SAMM50: variants seen among roughly 807,000 people sequenced by gnomAD.
The protein encoded by SAMM50 is SAMM50 sorting and assembly machinery component.
SAMM50 carries 47 observed loss-of-function variants against 66.9 expected under a neutral mutation model. That is an observed-to-expected ratio of 0.70 (90% CI 0.56 to 0.90). SAMM50 has a LOEUF of 0.90. Ranked by LOEUF, SAMM50 falls within the 40% of genes least tolerant of loss-of-function variation. The pLI is 0.00. For missense variants in SAMM50, 535 were observed against 595.3 expected, an observed-to-expected ratio of 0.90 and a Z score of 1.05; for synonymous variants, 191 against 214.1, an observed-to-expected ratio of 0.89 and a Z score of 0.94.
chr22:43,982,093 T>C (rs1421201547), intron 11 of SAMM50, among the ~76,000 whole-genome samples: 1 of 152,166 alleles, frequency 6.6e-6, no homozygotes, highest in Non-Finnish European at 1.5e-5. Flanking sequence ...CATTGTCCTC[T>C]AGGGCAAAAA....
intron 14 of SAMM50, chr22:43,996,072 G>C (rs1412173028): frequency 1.8e-6 from 1 of 557,998 alleles, no homozygotes. Flanking sequence ...TGAAGGAGGT[G>C]AGGAGGGAGT....
At chr22:43,978,182 G>A (rs1315833074) in intron 10 of SAMM50, among the ~76,000 whole-genome samples, 4 of 152,016 alleles carry the variant, frequency 2.6e-5, no homozygotes, top group African/African-American at 4.8e-5. Context: ...AGTGGTTCAC[G>A]CCTGTAATCC....
At chr22:43,958,506 TC>T in intron 1 of SAMM50, among the ~76,000 whole-genome samples, 1 of 99,380 alleles carries the variant, frequency 1.0e-5, no homozygotes. Context: ...TGAGGCGGAG[TC>T]TTTCTCTGTC....
In SAMM50 at chr22:43,990,266, G is replaced by A. The variant is rs747555916; in HGVS notation, c.1224G>A (p.Gly408=). 1.2e-6 allele frequency: 2 copies of A among 1,614,176 alleles called. No homozygotes were observed. Among genetic ancestry groups the A allele is most frequent in the Admixed American group, 3.3e-5 (2 of 60,016 alleles). ...NAGNLCNLNY[G]EGPKAHIRKL... is the part of the protein sequence containing the mutation. ...GCTCACAGGTCTTTCTCTTTTCAGG[G>A]GAGGGCCCCAAAGCTCATATTCGTA... Residue 408 remains glycine (G), a splice_region_variant and synonymous_variant, in exon 14 of 15, where the codon GGG becomes GGA. Transcript: ENST00000350028.
chr22:43,963,125 C>T (rs1020369864), intron 1 of SAMM50, 161 bp from the exon 2 acceptor site: 62 of 479,844 alleles, frequency 1.3e-4, no homozygotes, highest in Non-Finnish European at 1.6e-4. Flanking sequence ...CAATAGCTGA[C>T]GGCACCTTTT....
chr22:43,983,671 CT>C lies in SAMM50; in HGVS notation c.1008-261del, dbSNP rs1477291625. Among the ~76,000 whole-genome samples the C allele has an allele frequency of 6.6e-6, 1 of 152,176 alleles. No individual in the cohort carries two copies. The highest frequency in any genetic ancestry group is 2.4e-5 in the African/African-American group (1 of 41,442). On this transcript the variant is annotated intron_variant, in intron 11 of 14. Transcript: ENST00000350028. This position sits in a 1 kb window ranked among gnomAD's most constrained non-coding sequence, Gnocchi z 4.2. ...TTGTGACAGACAGTTTGCCCTGCCC[CT>C]CTCTCCTAGTGTGTTTCTTGGCATC... is the stretch of plus-strand genomic sequence containing the variant.
intron 13 of SAMM50, 38 bp from the exon 14 acceptor site, chr22:43,990,227 G>A (rs752956918): frequency 2.4e-5 from 39 of 1,610,484 alleles, no homozygotes; most frequent in African/African-American, 1.1e-4. Flanking sequence ...TTGGAAGGAC[G>A]GGCACGCACT....
chr22:43,979,890 C>CT, intron 10 of SAMM50, among the ~76,000 whole-genome samples: 1 of 150,762 alleles, frequency 6.6e-6, no homozygotes, highest in African/African-American at 2.4e-5. Flanking sequence ...CTGTAACTCC[C>CT]TTTTTTTCAG....
intron 12 of SAMM50, chr22:43,986,695 G>A (rs1252029987): frequency 6.6e-6 from 1 of 152,066 alleles, no homozygotes; most frequent in Non-Finnish European, 1.5e-5. Flanking sequence ...GGGATTACAG[G>A]TGCCCGCCAT....
At chr22:43,981,302 A>C in intron 10 of SAMM50, 89 bp from the exon 11 acceptor site, 68 of 913,696 alleles carry the variant, frequency 7.4e-5, no homozygotes, top group Non-Finnish European at 1.1e-4. Context: ...CGCCACGGGC[A>C]TTCAGTGTGT....
rs1045006464 is a variant in SAMM50, at chr22:43,961,613, C to T, written c.22-1673C>T. 2.6e-5 allele frequency among the ~76,000 whole-genome samples: 4 copies of T among 152,218 alleles called. No individual in the cohort carries two copies. In the East Asian group the frequency reaches 7.7e-4, roughly 29 times the overall value. On this transcript the variant is annotated intron_variant, in intron 1 of 14. Transcript: ENST00000350028. The stretch of plus-strand genomic sequence containing the variant: ...TACAGGCACACACCACCACACCTGG[C>T]TAAGTTTTGTATTTGTTTAGTAGAG...
chr22:43,996,215 G>A lies in SAMM50; in HGVS notation c.1365-123G>A, dbSNP rs1328375265. The A allele has an allele frequency of 4.7e-6, 5 of 1,062,192 alleles. No homozygotes were observed. In the Admixed American group the frequency reaches 8.5e-5, roughly 18 times the overall value. 65.8% of individuals were successfully genotyped at this position (1,062,192 alleles called of 1,614,324 possible). On this transcript the variant is annotated intron_variant, in intron 14 of 14. Coordinates refer to ENST00000350028, the MANE Select transcript of SAMM50 (RefSeq NM_015380.5). ...TGAGGGTGAGGCCGGCAGCCAGGCA[G>A]GAAGGCAGCAGGAGGAGGAGGAAGC...
intron 6 of SAMM50, 24 bp from the exon 7 acceptor site, chr22:43,973,212 A>T (rs1329721343): frequency 6.8e-7 from 1 of 1,476,270 alleles, no homozygotes; most frequent in Non-Finnish European, 9.5e-7. Flanking sequence ...TCAGCTTTTA[A>T]AGCTCTATCC....
intron 9 of SAMM50, among the ~76,000 whole-genome samples, chr22:43,977,553 T>G (rs923149738): frequency 1.3e-5 from 2 of 151,944 alleles, no homozygotes; most frequent in Non-Finnish European, 2.9e-5. Context: ...GTCAGCTGAG[T>G]TTTTCCCCAA....
intron 7 of SAMM50, among the ~76,000 whole-genome samples, chr22:43,974,196 G>A (rs780734044): frequency 2.6e-5 from 4 of 152,120 alleles, no homozygotes; most frequent in Admixed American, 6.5e-5. Flanking sequence ...GCACATTCGC[G>A]GGCTCCACCT....
chr22:43,981,147 C>T (rs1172456844), intron 10 of SAMM50, among the ~76,000 whole-genome samples: 2 of 152,250 alleles, frequency 1.3e-5, no homozygotes, highest in Non-Finnish European at 2.9e-5. Context: ...GGAAGCCGGG[C>T]CCTGCTCGCC....
At chr22:43,977,417 C>G (rs1041052637) in intron 9 of SAMM50, among the ~76,000 whole-genome samples, 1 of 152,194 alleles carries the variant, frequency 6.6e-6, no homozygotes, top group Non-Finnish European at 1.5e-5. Context: ...GAGCAGCTAC[C>G]CTCGCTCTGG....
intron 10 of SAMM50, among the ~76,000 whole-genome samples, chr22:43,980,158 A>G (rs1422015231): frequency 6.2e-4 from 10 of 16,192 alleles, no homozygotes; most frequent in Non-Finnish European, 7.1e-4. Flanking sequence ...CCATCCATCC[A>G]TCCATTCACC....
intron 14 of SAMM50, among the ~76,000 whole-genome samples, chr22:43,993,932 C>G (rs2050339010): frequency 6.6e-6 from 1 of 152,166 alleles, no homozygotes; most frequent in Non-Finnish European, 1.5e-5. Context: ...TTTGTGGCAC[C>G]ACTGTCTCTG....
Sources: gnomAD v4.1 joint callset for allele counts (sites outside exome capture counted in the v4.1 genomes callset) on GRCh38, gnomAD v4.1.1 for gene constraint, Gnocchi (gnomAD v3.1) non-coding constraint, MANE v1.5 for transcripts, NCBI Gene and HGNC (gene_info 2026-07-23, HGNC 2026-07-21) for gene names.